HCRTR2: variants seen among roughly 807,000 people sequenced by gnomAD.
The protein encoded by HCRTR2 is hypocretin receptor 2.
Under a neutral mutation model 49.0 loss-of-function variants are expected in HCRTR2, and 22 were observed. That is an observed-to-expected ratio of 0.45 (90% CI 0.32 to 0.64). The LOEUF (loss-of-function observed/expected upper bound fraction) is 0.64. HCRTR2 is among the 30% of genes least tolerant of loss of function. HCRTR2 has a pLI of 0.04. For synonymous variants in HCRTR2, 236 were observed against 205.3 expected (o/e 1.15, Z -1.28); for missense variants, 491 against 559.4 (o/e 0.88, Z 1.23).
intron 1 of HCRTR2, among the ~76,000 whole-genome samples, chr6:55,194,401 T>A (rs1765374484): frequency 6.6e-6 from 1 of 152,168 alleles, no homozygotes; most frequent in Non-Finnish European, 1.5e-5. Context: ...ACACATACTT[T>A]TATATTATAA....
At chr6:55,276,864 G>C (rs959083315) in intron 4 of HCRTR2, among the ~76,000 whole-genome samples, 1 of 152,164 alleles carries the variant, frequency 6.6e-6, no homozygotes, top group Admixed American at 6.5e-5. Context: ...TTCATTCAAA[G>C]GTTTGCTTTG....
chr6:55,257,766 C>A (rs1766680668), intron 3 of HCRTR2, among the ~76,000 whole-genome samples: 1 of 151,572 alleles, frequency 6.6e-6, no homozygotes, highest in South Asian at 2.1e-4. Flanking sequence ...AAAACCTAAA[C>A]TTAGCCTTCA....
intron 1 of HCRTR2, among the ~76,000 whole-genome samples, chr6:55,206,823 C>A (rs1008340389): frequency 6.6e-6 from 1 of 151,808 alleles, no homozygotes; most frequent in Non-Finnish European, 1.5e-5. Flanking sequence ...TCAAAAAAGG[C>A]AAAATAATTG....
At chr6:55,184,369 G>A (rs1385390381) in intron 1 of HCRTR2, among the ~76,000 whole-genome samples, 1 of 152,086 alleles carries the variant, frequency 6.6e-6, no homozygotes, top group Non-Finnish European at 1.5e-5. Flanking sequence ...GTTACTGACT[G>A]AGGTTTCAAT....
At chr6:55,114,423 C>T (rs1764090093) in intron 1 of HCRTR2, among the ~76,000 whole-genome samples, 1 of 151,814 alleles carries the variant, frequency 6.6e-6, no homozygotes, top group South Asian at 2.1e-4. Flanking sequence ...GTTCATCCTG[C>T]TCACCAACAC....
At chr6:55,239,772 A>ATTTT (rs35160150) in intron 1 of HCRTR2, among the ~76,000 whole-genome samples, 28 of 121,346 alleles carry the variant, frequency 2.3e-4, no homozygotes, top group South Asian at 5.3e-4. Flanking sequence ...TAGGCGGTAA[A>ATTTT]TTTTTTTTTT....
At chr6:55,278,463 A>C (rs76577844) in intron 5 of HCRTR2, among the ~76,000 whole-genome samples, 3,891 of 152,272 alleles carry the variant, frequency 0.026, 189 homozygotes, top group African/African-American at 0.087. Context: ...GAAGAACAGC[A>C]GCTTTGGCTG....
intron 4 of HCRTR2, among the ~76,000 whole-genome samples, chr6:55,276,615 T>C (rs1212124265): frequency 6.6e-6 from 1 of 152,206 alleles, no homozygotes; most frequent in Non-Finnish European, 1.5e-5. Context: ...ATTAAGAGAA[T>C]ATTGTACTTG....
At chr6:55,116,459 A>C (rs1401270999) in intron 1 of HCRTR2, among the ~76,000 whole-genome samples, 1 of 144,106 alleles carries the variant, frequency 6.9e-6, no homozygotes, top group Non-Finnish European at 1.6e-5. Context: ...ATAGAAAAAG[A>C]GAGAGTTGGA....
intron 1 of HCRTR2, among the ~76,000 whole-genome samples, chr6:55,210,162 A>G (rs945749730): frequency 6.6e-6 from 1 of 152,144 alleles, no homozygotes; most frequent in African/African-American, 2.4e-5. Flanking sequence ...CATATATAAA[A>G]AGGATTATTA....
chr6:55,217,934 G>A (rs755686358), intron 1 of HCRTR2, among the ~76,000 whole-genome samples: 10 of 152,272 alleles, frequency 6.6e-5, no homozygotes, highest in Middle Eastern at 6.8e-3. Flanking sequence ...CAAAACCAAT[G>A]GGATATACAG....
At position 55,192,212 on chromosome 6, in the gene HCRTR2, T is replaced by C. The variant is rs1258189862; in HGVS notation, c.223+17402T>C. Among the ~76,000 whole-genome samples the C allele has an allele frequency of 2.6e-5, 4 of 152,284 alleles. No individual in the cohort carries two copies. In the Middle Eastern group the frequency reaches 0.01, roughly 388 times the overall value. ...AAGCTACTCAAATTTTAATCTTTTG[T>C]TTTCATTCCAACAAAAAAAATTAGG... On this transcript the variant is annotated intron_variant, in intron 1 of 6. Coordinates refer to ENST00000370862, the MANE Select transcript of HCRTR2 (RefSeq NM_001384272.1).
chr6:55,218,878 C>A (rs965215899), intron 1 of HCRTR2, among the ~76,000 whole-genome samples: 1 of 152,168 alleles, frequency 6.6e-6, no homozygotes, highest in Non-Finnish European at 1.5e-5. Flanking sequence ...GGCTGGAGGG[C>A]AATGGTACAA....
chr6:55,207,780 C>T (rs186499074), intron 1 of HCRTR2, among the ~76,000 whole-genome samples: 387 of 152,154 alleles, frequency 2.5e-3, no homozygotes, highest in Non-Finnish European at 4.8e-3. Flanking sequence ...TTTCTTCTAA[C>T]GATAAAATAG....
intron 1 of HCRTR2, among the ~76,000 whole-genome samples, chr6:55,214,195 A>G (rs1186817368): frequency 6.6e-6 from 1 of 152,214 alleles, no homozygotes; most frequent in Admixed American, 6.5e-5. Context: ...TTGAGAATTT[A>G]CACACACTGG....
chr6:55,233,579 TG>T (rs1486290054), intron 1 of HCRTR2, among the ~76,000 whole-genome samples: 1 of 152,086 alleles, frequency 6.6e-6, no homozygotes, highest in Non-Finnish European at 1.5e-5. Flanking sequence ...CACCTATAGT[TG>T]TAGCTACTTG....
At chr6:55,278,204 A>C (rs570968397) in intron 5 of HCRTR2, among the ~76,000 whole-genome samples, 18 of 152,206 alleles carry the variant, frequency 1.2e-4, no homozygotes, top group Non-Finnish European at 2.2e-4. Flanking sequence ...TATTTGCTAC[A>C]ATGCAGGCAC....
Position 55,270,010 on chromosome 6 carries a change from C to A in HCRTR2, c.762+6188C>A, listed in dbSNP as rs548080041. ...ATAAACATGTATATTTAGGGAATGTCCAGAAATTATAGAGACATGGATTCC... is the reference window on the plus strand; with the variant it reads ...ATAAACATGTATATTTAGGGAATGTACAGAAATTATAGAGACATGGATTCC... On this transcript the variant is annotated intron_variant, in intron 4 of 6. Coordinates refer to ENST00000370862, the MANE Select transcript of HCRTR2 (RefSeq NM_001384272.1). Among the ~76,000 whole-genome samples, 6 of 152,114 alleles carry A rather than the reference C, an allele frequency of 3.9e-5. No homozygotes were observed. In the South Asian group the frequency reaches 1.2e-3, roughly 32 times the overall value.
intron 3 of HCRTR2, among the ~76,000 whole-genome samples, chr6:55,256,253 T>TA (rs1219069933): frequency 1.1e-4 from 17 of 152,164 alleles, no homozygotes; most frequent in African/African-American, 4.1e-4. Context: ...GTAAGTATAC[T>TA]AAAATGGCTG....
Sources: gnomAD v4.1 joint callset for allele counts (sites outside exome capture counted in the v4.1 genomes callset) on GRCh38, gnomAD v4.1.1 for gene constraint, MANE v1.5 for transcripts, NCBI Gene and HGNC (gene_info 2026-07-23, HGNC 2026-07-21) for gene names.